The following VAC14 variants were observed in gnomAD, a reference collection of about 807,000 sequenced individuals.
VAC14 encodes the protein protein VAC14 homolog.
VAC14 carries 47 observed loss-of-function variants against 85.3 expected under a neutral mutation model. That is an observed-to-expected ratio of 0.55 (90% confidence interval 0.44 to 0.70). The LOEUF is 0.70. Among genes scored for constraint, VAC14 ranks in the 30% least tolerant of loss-of-function variants. The pLI, the probability that VAC14 is intolerant of heterozygous loss-of-function variation, is 0.00. For synonymous variants in VAC14, 447 were observed against 430.5 expected, an observed-to-expected ratio of 1.04 and a Z score of -0.47; for missense variants, 861 against 1,004.3, an observed-to-expected ratio of 0.86 and a Z score of 1.93.
At chr16:70,771,854 T>G in intron 10 of VAC14, 1 of 463,588 alleles carries the variant, frequency 2.2e-6, no homozygotes, top group Non-Finnish European at 3.9e-6. Context: ...GTGCTGGGAT[T>G]AGAGGCATAA....
At chr16:70,712,628 A>C (rs2054059001) in intron 14 of VAC14, among the ~76,000 whole-genome samples, 1 of 152,182 alleles carries the variant, frequency 6.6e-6, no homozygotes, top group African/African-American at 2.4e-5. Context: ...CCAAACCAGC[A>C]CCAGACCGAG....
chr16:70,706,688 C>G (rs1020801357), intron 14 of VAC14, among the ~76,000 whole-genome samples: 3 of 152,128 alleles, frequency 2.0e-5, no homozygotes, highest in African/African-American at 7.2e-5. Flanking sequence ...TTTTTAGTAG[C>G]GACATGTTGA....
chr16:70,757,890 G>T (rs1200751259), intron 12 of VAC14, among the ~76,000 whole-genome samples: 1 of 152,156 alleles, frequency 6.6e-6, no homozygotes, highest in African/African-American at 2.4e-5. Context: ...TACAAATAAG[G>T]AACCTAAAGC....
rs149385930 is a variant in VAC14, at chr16:70,748,544, T to A, written c.1372-3965A>T. ...ATGGACGCAGAACCACGTGGCACATTCCAGGAAACTAGGCTTTGGGGCCAG... is the reference window on the plus strand; with the variant it reads ...ATGGACGCAGAACCACGTGGCACATACCAGGAAACTAGGCTTTGGGGCCAG... On this transcript the variant is annotated intron_variant, in intron 12 of 18. Coordinates refer to ENST00000261776, the MANE Select transcript of VAC14 (RefSeq NM_018052.5). Among the ~76,000 whole-genome samples the A allele has an allele frequency of 5.3e-5, 8 of 152,300 alleles. No individual in the cohort carries two copies. The East Asian group carries it at 1.2e-3, about 22-fold the overall frequency.
At chr16:70,713,946 G>C (rs2054093041) in intron 14 of VAC14, 1 of 152,258 alleles carries the variant, frequency 6.6e-6, no homozygotes. Context: ...CGTGGAGAAA[G>C]GCTTGAACTC....
At chr16:70,784,090 A>C in intron 5 of VAC14, 23 bp downstream of exon 5, 1 of 1,603,876 alleles carries the variant, frequency 6.2e-7, no homozygotes, top group East Asian at 2.2e-5. Flanking sequence ...AGGCTGGAGA[A>C]ACGGTGTCCG....
intron 10 of VAC14, chr16:70,768,614 G>A (rs1250554259): frequency 1.3e-5 from 4 of 318,406 alleles, no homozygotes; most frequent in South Asian, 4.5e-5. Flanking sequence ...GGGGCTTCCC[G>A]AGTATCGCAG....
intron 17 of VAC14, 49 bp downstream of exon 17, chr16:70,695,495 G>C (rs759989666): frequency 1.3e-6 from 2 of 1,588,380 alleles, no homozygotes; most frequent in African/African-American, 2.7e-5. Flanking sequence ...CCCCACTCCA[G>C]GGCAGCCTTG....
chr16:70,691,286 G>A (rs1179285894), intron 18 of VAC14: 2 of 985,420 alleles, frequency 2.0e-6, no homozygotes, highest in Middle Eastern at 1.0e-3. Flanking sequence ...CTCCCAGGAA[G>A]GCAGGCTGGT....
chr16:70,731,124 C>A (rs911168968), intron 14 of VAC14, among the ~76,000 whole-genome samples: 1 of 152,222 alleles, frequency 6.6e-6, no homozygotes, highest in Non-Finnish European at 1.5e-5. Flanking sequence ...GGCTAAATCC[C>A]GCACTGGGGG....
At chr16:70,780,142 C>A (rs185901202) in intron 9 of VAC14, among the ~76,000 whole-genome samples, 1 of 151,978 alleles carries the variant, frequency 6.6e-6, no homozygotes, top group Non-Finnish European at 1.5e-5. Flanking sequence ...CCAGCCCGGC[C>A]ATAAATGTGG....
At chr16:70,794,275 C>T (rs2034452386) in intron 1 of VAC14, among the ~76,000 whole-genome samples, 1 of 152,230 alleles carries the variant, frequency 6.6e-6, no homozygotes, top group South Asian at 2.1e-4. Context: ...ACCCTGCACC[C>T]ACTGGCAGTC....
rs151275776 is a variant in VAC14 at position 70,785,714 on chromosome 16, G to A, written c.411C>T (p.Asp137=). Residue 137 remains aspartate, a synonymous_variant, in exon 3 of 19, where the codon GAC becomes GAT. Transcript: ENST00000261776. ...GGAGGGCGGTTACCTTGCTCAGCCCGTCAAAGAGCACGTTGAAGTGGGGCA... is the reference window on the plus strand; with the variant it reads ...GGAGGGCGGTTACCTTGCTCAGCCCATCAAAGAGCACGTTGAAGTGGGGCA... ...AVLPHFNVLF[D]GLSKLAADPD... 8.5e-5 allele frequency: 133 copies of A among 1,560,844 alleles called. No homozygotes were observed. The highest frequency in any genetic ancestry group is 5.1e-4 in the South Asian group (43 of 84,708).
intron 14 of VAC14, chr16:70,715,015 C>T (rs898362133): frequency 6.6e-6 from 1 of 152,334 alleles, no homozygotes; most frequent in Non-Finnish European, 1.5e-5. Context: ...TATCTGAAGG[C>T]TCCTCTCAGG....
At position 70,744,617 on chromosome 16, in the gene VAC14, G is replaced by A. The variant is rs188240035; in HGVS notation, c.1372-38C>T. On this transcript the variant is annotated intron_variant, in intron 12 of 18. Transcript: ENST00000261776. ...GCGGGGCAGGAGGGATGAGCTCTCC[G>A]CTGAGAGCTGTGCTGACCTGGGCAG... is the stretch of plus-strand genomic sequence containing the variant. 4.6e-5 allele frequency: 72 copies of A among 1,552,242 alleles called. No homozygotes were observed. The Admixed American group carries it at 5.1e-4, about 11-fold the overall frequency.
intron 14 of VAC14, among the ~76,000 whole-genome samples, chr16:70,711,130 A>T (rs561436221): frequency 7.1e-4 from 108 of 152,342 alleles, no homozygotes; most frequent in African/African-American, 4.6e-4. Flanking sequence ...CCCTCAAGCC[A>T]GGAATACCCT....
chr16:70,780,226 A>G (rs138731265), intron 9 of VAC14, among the ~76,000 whole-genome samples: 224 of 152,294 alleles, frequency 1.5e-3, no homozygotes, highest in African/African-American at 5.3e-3. Context: ...AAAGGAGAGC[A>G]GAGCAACTTC....
intron 14 of VAC14, among the ~76,000 whole-genome samples, chr16:70,718,943 A>G (rs2054225804): frequency 1.3e-5 from 2 of 152,228 alleles, no homozygotes; most frequent in South Asian, 4.1e-4. Flanking sequence ...GTCTGGATAC[A>G]GAGGCCAGTG....
rs566215237 is a variant in VAC14 at position 70,733,165 on chromosome 16, C to T, written c.1529-1538G>A. Reference sequence around the variant, plus strand: ...CCATTCTCACTTCCATGGCCCCTAGCGATCACTCATCTACCTTCCGTCTCT... The same window carrying T: ...CCATTCTCACTTCCATGGCCCCTAGTGATCACTCATCTACCTTCCGTCTCT... On this transcript the variant is annotated intron_variant, in intron 13 of 18. Coordinates refer to ENST00000261776, the MANE Select transcript of VAC14 (RefSeq NM_018052.5). Among the ~76,000 whole-genome samples the T allele has an allele frequency of 2.6e-5, 4 of 152,266 alleles. 1 individual carries two copies. In the Middle Eastern group the frequency reaches 0.01, roughly 388 times the overall value.
Sources: gnomAD v4.1 joint callset for allele counts (sites outside exome capture counted in the v4.1 genomes callset) on GRCh38, gnomAD v4.1.1 for gene constraint, MANE v1.5 for transcripts, NCBI Gene and HGNC (gene_info 2026-07-23, HGNC 2026-07-21) for gene names.